The following SLC8A1 variants were observed in gnomAD, a reference collection of about 807,000 sequenced individuals.
SLC8A1 encodes solute carrier family 8 member A1.
A neutral mutation model predicts 68.3 loss-of-function variants in SLC8A1; 18 were observed. The ratio of observed to expected loss-of-function variants is 0.26; its 90% CI spans 0.18 to 0.39. SLC8A1 has a LOEUF of 0.39. SLC8A1 is among the 10% of genes least tolerant of loss of function. The pLI is 1.00. For synonymous variants in SLC8A1, 475 were observed against 415.5 expected (o/e 1.14, Z -1.74); for missense variants, 985 against 1,156.7 (o/e 0.85, Z 2.15).
intron 4 of SLC8A1, among the ~76,000 whole-genome samples, chr2:40,168,012 T>C (rs1446625712): frequency 6.6e-6 from 1 of 152,178 alleles, no homozygotes; most frequent in Non-Finnish European, 1.5e-5. Flanking sequence ...ACTCTCCAAC[T>C]CACTGTTAAT....
rs372462260 is a variant in SLC8A1, at chr2:40,312,957, C to T, written c.1808+115516G>A. ...TAATGGGTTTTGAAATACATACACA[C>T]ATATGTATATGTGTGTATAAAATAT... On this transcript the variant is annotated intron_variant, in intron 2 of 7. Coordinates refer to ENST00000406785, the Ensembl canonical transcript of SLC8A1. Among the ~76,000 whole-genome samples the T allele has an allele frequency of 1.6e-4, 24 of 152,140 alleles. No individual in the cohort carries two copies. The East Asian group carries it at 2.7e-3, about 17-fold the overall frequency.
intron 1 of SLC8A1, among the ~76,000 whole-genome samples, chr2:40,491,923 G>T (rs1403852517): frequency 1.3e-5 from 2 of 152,120 alleles, no homozygotes; most frequent in Non-Finnish European, 2.9e-5. Context: ...TACTGCCAAG[G>T]TAATTTATAG....
In SLC8A1 at chr2:40,496,666, G is replaced by C. The variant is rs1705721440; in HGVS notation, c.-25+15683C>G. 2.6e-5 allele frequency among the ~76,000 whole-genome samples: 4 copies of C among 152,098 alleles called. No homozygotes were observed. In the East Asian group the frequency reaches 5.8e-4, roughly 22 times the overall value. ...GAGCCTGGTAAAATTGACAGTTTTTGAGATTGATGAGTTTGTATAGTCCTT... is the reference window on the plus strand; with the variant it reads ...GAGCCTGGTAAAATTGACAGTTTTTCAGATTGATGAGTTTGTATAGTCCTT... On this transcript the variant is annotated intron_variant, in intron 1 of 7. Transcript: ENST00000402441.
At chr2:40,247,688 C>G (rs1410868252) in intron 2 of SLC8A1, among the ~76,000 whole-genome samples, 1 of 152,104 alleles carries the variant, frequency 6.6e-6, no homozygotes, top group East Asian at 1.9e-4. Flanking sequence ...ACAGTAACTG[C>G]TTACGTATAC....
chr2:40,110,552 A>C (rs2034496119), exon 8 of SLC8A1: 1 of 152,162 alleles, frequency 6.6e-6, no homozygotes, highest in African/African-American at 2.4e-5. Context: ...TTTATATTTA[A>C]CTTTGCTCAG....
chr2:40,118,450 CT>C (rs1195127792), intron 7 of SLC8A1: 1 of 152,096 alleles, frequency 6.6e-6, no homozygotes, highest in Non-Finnish European at 1.5e-5. Flanking sequence ...ATTTGTGCTG[CT>C]TTGTGCATTC....
At position 40,498,364 on chromosome 2, in the gene SLC8A1, C is replaced by G. The variant is rs188885941; in HGVS notation, c.-25+13985G>C. Among the ~76,000 whole-genome samples, 7 of 152,176 alleles carry G rather than the reference C, an allele frequency of 4.6e-5. No homozygotes were observed. In the East Asian group the frequency reaches 1.4e-3, roughly 29 times the overall value. The stretch of plus-strand genomic sequence containing the variant: ...TAAATTATATGCCAATGTATTAAAG[C>G]TTTTTAAAAGAGAACATTGAACCAA... On this transcript the variant is annotated intron_variant, in intron 1 of 7. Transcript: ENST00000402441.
chr2:40,315,331 T>C (rs939605559), intron 2 of SLC8A1, among the ~76,000 whole-genome samples: 1 of 151,892 alleles, frequency 6.6e-6, no homozygotes, highest in Non-Finnish European at 1.5e-5. Flanking sequence ...TTATTAATGC[T>C]GAATTGCAAA....
At chr2:40,437,863 A>G (rs528868914) in intron 1 of SLC8A1, among the ~76,000 whole-genome samples, 72 of 152,260 alleles carry the variant, frequency 4.7e-4, no homozygotes, top group African/African-American at 1.7e-3. Flanking sequence ...TAAATAAAAC[A>G]TATCTCCAAA....
chr2:40,152,718 C>A (rs1361146634), intron 6 of SLC8A1, among the ~76,000 whole-genome samples: 1 of 151,940 alleles, frequency 6.6e-6, no homozygotes, highest in Non-Finnish European at 1.5e-5. Flanking sequence ...ACCTGACCTC[C>A]TCTGCAGTTT....
intron 2 of SLC8A1, among the ~76,000 whole-genome samples, chr2:40,198,643 A>G (rs902552518): frequency 6.6e-6 from 1 of 151,874 alleles, no homozygotes; most frequent in African/African-American, 2.4e-5. Context: ...GGAGAATAAA[A>G]CCCAAAGTCA....
At chr2:40,139,064 ACT>A (rs1176072936) in intron 7 of SLC8A1, among the ~76,000 whole-genome samples, 2 of 152,014 alleles carry the variant, frequency 1.3e-5, no homozygotes, top group Non-Finnish European at 2.9e-5. Flanking sequence ...CTTAAAGCTG[ACT>A]CTATATTTTT....
intron 2 of SLC8A1, among the ~76,000 whole-genome samples, chr2:40,307,964 C>A (rs1308380844): frequency 2.4e-4 from 36 of 151,318 alleles, no homozygotes; most frequent in African/African-American, 8.0e-4. Context: ...AGAAGACCTG[C>A]TAAAAGAGTC....
At chr2:40,388,448 G>A (rs1024810942) in intron 2 of SLC8A1, among the ~76,000 whole-genome samples, 1 of 152,064 alleles carries the variant, frequency 6.6e-6, no homozygotes, top group Admixed American at 6.6e-5. Flanking sequence ...ATACTGAAGA[G>A]CATCTCCTTT....
intron 2 of SLC8A1, among the ~76,000 whole-genome samples, chr2:40,361,507 A>C (rs1300992728): frequency 6.6e-6 from 1 of 151,820 alleles, no homozygotes; most frequent in Non-Finnish European, 1.5e-5. Context: ...ATTACTGTAA[A>C]CACTTGAGAA....
intron 2 of SLC8A1, among the ~76,000 whole-genome samples, chr2:40,334,338 C>T (rs1047819599): frequency 2.0e-5 from 3 of 152,112 alleles, no homozygotes; most frequent in Non-Finnish European, 2.9e-5. Context: ...AAATACTCAA[C>T]GATTTAATAC....
chr2:40,415,440 AG>A (rs1227653720), intron 2 of SLC8A1, among the ~76,000 whole-genome samples: 1 of 151,696 alleles, frequency 6.6e-6, no homozygotes, highest in Non-Finnish European at 1.5e-5. Flanking sequence ...AAAAAAAAAA[AG>A]AAAACTGCCA....
chr2:40,474,061 C>T (rs1704142786), intron 1 of SLC8A1, among the ~76,000 whole-genome samples: 1 of 152,172 alleles, frequency 6.6e-6, no homozygotes, highest in African/African-American at 2.4e-5. Context: ...ATTCCTTCTG[C>T]TGTCCTTTCT....
chr2:40,431,461 G>A (rs1698274136), intron 1 of SLC8A1, among the ~76,000 whole-genome samples: 1 of 152,056 alleles, frequency 6.6e-6, no homozygotes, highest in Non-Finnish European at 1.5e-5. Context: ...AAGCTTGGTA[G>A]GCATAGCAGT....
Sources: gnomAD v4.1 joint callset for allele counts (sites outside exome capture counted in the v4.1 genomes callset) on GRCh38, gnomAD v4.1.1 for gene constraint, MANE v1.5 for transcripts, NCBI Gene and HGNC (gene_info 2026-07-23, HGNC 2026-07-21) for gene names.